SERPINB10: variants seen among roughly 807,000 people sequenced by gnomAD.
The protein encoded by SERPINB10 is serpin family B member 10, also known as serpin B10.
Under a neutral mutation model 39.1 loss-of-function variants are expected in SERPINB10, and 35 were observed. The observed-to-expected ratio is 0.90, with a 90% CI of 0.68 to 1.19. The LOEUF (loss-of-function observed/expected upper bound fraction) is 1.19. Among genes scored for constraint, SERPINB10 ranks in the 50% most tolerant of loss-of-function variants. SERPINB10 has a pLI of 0.00. For synonymous variants in SERPINB10, 190 were observed against 158.1 expected, an observed-to-expected ratio of 1.20 and a Z score of -1.52; for missense variants, 546 against 460.5, an observed-to-expected ratio of 1.19 and a Z score of -1.70.
intron 2 of SERPINB10, 50 bp from the exon 3 acceptor site, chr18:63,917,406 A>G (rs750492205): frequency 1.2e-5 from 13 of 1,076,500 alleles, no homozygotes; most frequent in East Asian, 1.0e-4. Flanking sequence ...TATGATTTAT[A>G]TAATTACTTC....
At chr18:63,923,455 T>C (rs1275541355) in intron 5 of SERPINB10, among the ~76,000 whole-genome samples, 1 of 151,892 alleles carries the variant, frequency 6.6e-6, no homozygotes, top group Non-Finnish European at 1.5e-5. Context: ...ACAGGTCTTC[T>C]CCAAGGTCTT....
chr18:63,930,819 A>G (rs937033967), intron 6 of SERPINB10, among the ~76,000 whole-genome samples: 2 of 152,180 alleles, frequency 1.3e-5, no homozygotes, highest in African/African-American at 4.8e-5. Flanking sequence ...AGCTACTCAC[A>G]GGACCTTCGC....
At position 63,935,261 on chromosome 18, in the gene SERPINB10, C is replaced by G; in HGVS notation, c.*19C>G. 1.3e-6 allele frequency: 2 copies of G among 1,534,400 alleles called. No individual in the cohort carries two copies. Among genetic ancestry groups the G allele is most frequent in the Non-Finnish European group, 8.7e-7 (1 of 1,146,910 alleles). On this transcript the variant is annotated 3_prime_UTR_variant, in exon 8 of 8. Transcript: ENST00000238508. ...CCCCTAAATCCTGCATATCTCTCAA[C>G]AAACAAGACCATCTTACAGTGTGAA...
intron 6 of SERPINB10, 92 bp from the exon 7 acceptor site, chr18:63,932,956 T>G: frequency 1.7e-6 from 2 of 1,207,450 alleles, no homozygotes; most frequent in Non-Finnish European, 2.3e-6. Context: ...TTTCACCAAC[T>G]GAGAGCCAAT....
intron 4 of SERPINB10, 93 bp downstream of exon 4, chr18:63,918,195 G>A: frequency 2.2e-6 from 3 of 1,354,286 alleles, no homozygotes; most frequent in Non-Finnish European, 3.1e-6. Context: ...GGGATCCAGG[G>A]ACAATCTTCA....
At chr18:63,931,709 C>G (rs921001490) in intron 6 of SERPINB10, among the ~76,000 whole-genome samples, 1 of 152,084 alleles carries the variant, frequency 6.6e-6, no homozygotes, top group Non-Finnish European at 1.5e-5. Context: ...TTATTAACAT[C>G]TTACATTAGT....
At position 63,917,520 on chromosome 18, in the gene SERPINB10, T is replaced by C. The variant is rs1453577229; in HGVS notation, c.233T>C (p.Met78Thr). 2 of 1,532,192 alleles carry C rather than the reference T, an allele frequency of 1.3e-6. No homozygotes were observed. The highest frequency in any genetic ancestry group is 2.3e-5 in the East Asian group (1 of 42,894). 94.9% of individuals were successfully genotyped at this position (1,532,192 alleles called of 1,614,324 possible). The change falls in exon 3 of 8, where the codon ATG becomes ACG. Residue 78 changes from methionine (M) to threonine (T), a missense_variant and splice_region_variant. Physicochemically the swap from Met to Thr is moderately conservative, Grantham distance 81 (BLOSUM62 -1). Transcript: ENST00000238508. ...CDPESEKKRK[M>T]EFNLSNSEEI... ...CCTGAAAGTGAAAAAAAAAGGAAAA[T>C]GGTATATCTTATCCTTTAATATATA...
intron 4 of SERPINB10, among the ~76,000 whole-genome samples, chr18:63,918,337 C>T (rs924564351): frequency 3.3e-5 from 5 of 151,990 alleles, no homozygotes; most frequent in Admixed American, 2.0e-4. Flanking sequence ...GAGGTAGCCC[C>T]TGAGAATGGC....
Position 63,917,967 on chromosome 18 carries a change from A to G in SERPINB10, c.237A>G (p.Glu79=). The G allele has an allele frequency of 1.2e-6, 2 of 1,611,570 alleles. No homozygotes were observed. Among genetic ancestry groups the G allele is most frequent in the Non-Finnish European group, 1.7e-6 (2 of 1,178,474 alleles). ...DPESEKKRKM[E]FNLSNSEEIH... ...GACTAGTTCCTTCTCTTTTAAAGGA[A>G]TTCAACTTGAGCAACTCGGAAGAAA... Residue 79 remains glutamate (E), a splice_region_variant and synonymous_variant, in exon 4 of 8, where the codon GAA becomes GAG. Coordinates refer to ENST00000238508, the MANE Select transcript of SERPINB10 (RefSeq NM_005024.3).
At chr18:63,916,875 G>A (rs530056350) in intron 2 of SERPINB10, among the ~76,000 whole-genome samples, 46 of 152,076 alleles carry the variant, frequency 3.0e-4, no homozygotes, top group African/African-American at 1.1e-3. Flanking sequence ...CCGGGTCCAG[G>A]ACTTGGCAGA....
intron 1 of SERPINB10, among the ~76,000 whole-genome samples, chr18:63,914,219 C>T (rs912768333): frequency 6.6e-6 from 1 of 152,070 alleles, no homozygotes; most frequent in South Asian, 2.1e-4. Flanking sequence ...TTTAATCCAA[C>T]TTGCCACTCT....
intron 7 of SERPINB10, among the ~76,000 whole-genome samples, chr18:63,934,512 G>C (rs1406421500): frequency 1.3e-5 from 2 of 152,134 alleles, no homozygotes; most frequent in African/African-American, 4.8e-5. Flanking sequence ...TAGAGTATAT[G>C]CTTTTGTATA....
chr18:63,912,472 T>G (rs995676900), intron 1 of SERPINB10, among the ~76,000 whole-genome samples: 1 of 152,080 alleles, frequency 6.6e-6, no homozygotes, highest in African/African-American at 2.4e-5. Context: ...ACACCTAGTC[T>G]GTTGAGGGTT....
At chr18:63,916,330 A>G (rs963432784) in intron 2 of SERPINB10, among the ~76,000 whole-genome samples, 2 of 143,562 alleles carry the variant, frequency 1.4e-5, no homozygotes, top group Admixed American at 1.5e-4. Flanking sequence ...ATATGTATAT[A>G]TAAATGTGAT....
rs2050097437 is a variant in SERPINB10, at chr18:63,915,696, AC to A, written c.168+19del. The A allele has an allele frequency of 6.3e-7, 1 of 1,582,482 alleles. No individual in the cohort carries two copies. Among genetic ancestry groups the A allele is most frequent in the African/African-American group, 1.4e-5 (1 of 73,860 alleles). The stretch of plus-strand genomic sequence containing the variant: ...TGGCCCAGGTGAGTGGAAAAGGTCA[AC>A]TATCTTCTGTTTCTTGTAAGCTAAG... On this transcript the variant is annotated intron_variant, in intron 2 of 7. Transcript: ENST00000238508.
At chr18:63,917,371 G>A (rs2050111125) in intron 2 of SERPINB10, 85 bp from the exon 3 acceptor site, 4 of 718,988 alleles carry the variant, frequency 5.6e-6, no homozygotes, top group Non-Finnish European at 8.7e-6. Context: ...TTATAGGAAT[G>A]ACTGACTTGT....
intron 2 of SERPINB10, 126 bp downstream of exon 2, chr18:63,915,804 C>A: frequency 1.2e-6 from 1 of 844,322 alleles, no homozygotes; most frequent in Non-Finnish European, 1.8e-6. Context: ...TAAAACAAGA[C>A]ATACATTAAA....
chr18:63,935,064 AG>A lies in SERPINB10; in HGVS notation c.1018del (p.Ala340LeufsTer5). The A allele has an allele frequency of 3.1e-6, 5 of 1,614,210 alleles. No individual in the cohort carries two copies. The highest frequency in any genetic ancestry group is 4.2e-6 in the Non-Finnish European group (5 of 1,180,034). On this transcript the variant is annotated frameshift_variant, in exon 8 of 8. Coordinates refer to ENST00000238508, the MANE Select transcript of SERPINB10 (RefSeq NM_005024.3). LOFTEE classifies it high-confidence loss of function. ...RNLFLSNVFH[K>X]AFVEINEQGT... ...CTATTTTTGTCCAATGTTTTCCATA[AG>A]GCTTTTGTGGAAATAAATGAACAAG...
intron 5 of SERPINB10, among the ~76,000 whole-genome samples, chr18:63,929,007 C>G (rs1305687289): frequency 6.7e-6 from 1 of 149,134 alleles, no homozygotes. Context: ...CCCAGCTAAA[C>G]CTGCTTTTGT....
Sources: allele counts gnomAD v4.1 joint callset (sites outside exome capture counted in the v4.1 genomes callset), GRCh38; gene constraint gnomAD v4.1.1; transcripts MANE v1.5; gene names NCBI Gene and HGNC (gene_info 2026-07-23, HGNC 2026-07-21).